Variants in UGT2B17 observed in about 807,000 individuals in gnomAD.
UGT2B17 encodes the protein UDP-glucuronosyltransferase 2B17.
UGT2B17 carries 21 observed loss-of-function variants against 48.2 expected under a neutral mutation model. The observed-to-expected ratio is 0.44, with a 90% CI of 0.31 to 0.63. The LOEUF is 0.63. UGT2B17 is among the 20% of genes least tolerant of loss of function. The pLI, the probability that UGT2B17 is intolerant of heterozygous loss-of-function variation, is 0.08. For synonymous variants in UGT2B17, 146 were observed against 238.4 expected (o/e 0.61, Z 3.57); for missense variants, 402 against 696.1 (o/e 0.58, Z 4.75).
Position 68,558,901 on chromosome 4 carries a change from AG to A in UGT2B17, c.1005+1635del, listed in dbSNP as rs555216193. On this transcript the variant is annotated intron_variant, in intron 4 of 6. Coordinates refer to ENST00000317746, the MANE Select transcript of UGT2B17 (RefSeq NM_001077.4). Reference sequence around the variant, plus strand: ...TTGGAGAGCCTAATCAGAAGCTCAAAGGAATGCCTCTTCCCTGCTTCAAGTT... The same window carrying A: ...TTGGAGAGCCTAATCAGAAGCTCAAAGAATGCCTCTTCCCTGCTTCAAGTT... Among the ~76,000 whole-genome samples, 6 of 125,708 alleles carry A rather than the reference AG, an allele frequency of 4.8e-5. 2 individuals carry two copies. Among genetic ancestry groups the A allele is most frequent in the Non-Finnish European group, 8.4e-5 (5 of 59,388 alleles). 82.5% of individuals were successfully genotyped at this position (125,708 alleles called of 152,430 possible). A position where few individuals can be genotyped will look rare whatever the true frequency, so the allele number is the denominator to read the frequency against.
chr4:68,567,838 A>G lies in UGT2B17; in HGVS notation c.647T>C (p.Ile216Thr), dbSNP rs747935682. The part of the protein sequence containing the change: ...MIFMERIKNM[I>T]YMLYFDFWFQ... ...CCAAAAGTCAAAATAAAGCATATAT[A>G]TCATATTTTTTATCCTCTCCATGAA... is the stretch of plus-strand genomic sequence containing the variant. Residue 216 changes from isoleucine to threonine, a missense_variant, in exon 2 of 7, where the codon ATA becomes ACA. Physicochemically the swap from Ile to Thr is moderately conservative, Grantham distance 89. Transcript: ENST00000317746. The G allele has an allele frequency of 6.5e-6, 9 of 1,375,166 alleles. 2 individuals are homozygous for G. Among genetic ancestry groups the G allele is most frequent in the Non-Finnish European group, 8.5e-6 (9 of 1,053,074 alleles). 85.2% of individuals were successfully genotyped at this position (1,375,166 alleles called of 1,614,324 possible).
chr4:68,568,257 A>C lies in UGT2B17; in HGVS notation c.228T>G (p.Val76=). The change falls in exon 2 of 7, where the codon GTT becomes GTG. Residue 76 remains valine, a synonymous_variant. Coordinates refer to ENST00000317746, the MANE Select transcript of UGT2B17 (RefSeq NM_001077.4). The part of the protein sequence containing the change: ...ASKSSAIKLE[V]YPTSLTKNDL... Reference sequence around the variant, plus strand: ...CATTTTTAGTTAAAGATGTAGGATAAACTTCTAATTTAATAGCAGATGATT... The same window carrying C: ...CATTTTTAGTTAAAGATGTAGGATACACTTCTAATTTAATAGCAGATGATT... The C allele has an allele frequency of 7.3e-7, 1 of 1,375,818 alleles. No homozygotes were observed. Among genetic ancestry groups the C allele is most frequent in the Non-Finnish European group, 9.5e-7 (1 of 1,054,036 alleles). The allele number at this position is 1,375,818 out of a possible 1,614,324, so 85.2% of individuals were successfully genotyped here.
Position 68,545,900 on chromosome 4 carries a change from A to G in UGT2B17, c.1313+4777T>C, listed in dbSNP as rs1730793782. ...AAGAAGTTGAATCTCTGAATAGACT[A>G]ATAACAGGCTCTGAAATTGAGGCAA... is the stretch of plus-strand genomic sequence containing the variant. On this transcript the variant is annotated intron_variant, in intron 6 of 6. Transcript: ENST00000317746. 2.4e-5 allele frequency among the ~76,000 whole-genome samples: 3 copies of G among 126,116 alleles called. 1 individual carries two copies. Among genetic ancestry groups the G allele is most frequent in the Admixed American group, 1.6e-4 (2 of 12,360 alleles). 82.7% of individuals were successfully genotyped at this position (126,116 alleles called of 152,430 possible).
chr4:68,563,310 G>A lies in UGT2B17; in HGVS notation c.873+2262C>T, dbSNP rs1351126500. 1.6e-5 allele frequency among the ~76,000 whole-genome samples: 2 copies of A among 127,076 alleles called. 1 individual carries two copies. The highest frequency in any genetic ancestry group is 3.3e-5 in the Non-Finnish European group (2 of 59,834). The allele number at this position is 127,076 out of a possible 152,430, so 83.4% of individuals were successfully genotyped here. ...TTAGATTCAAGTCTACCTTTTGCAG[G>A]TTAACAACAACAGCCAGTGCCGGGC... is the stretch of plus-strand genomic sequence containing the variant. On this transcript the variant is annotated intron_variant, in intron 3 of 6. Transcript: ENST00000317746.
Position 68,561,206 on chromosome 4 carries a change from AG to A in UGT2B17, c.874-539del, listed in dbSNP as rs201219030. ...AATGATTTTATATCTACATTTATTTAGCTTCTTTAGCTCTCTAACCCTTTAT... is the reference window on the plus strand; with the variant it reads ...AATGATTTTATATCTACATTTATTTACTTCTTTAGCTCTCTAACCCTTTAT... On this transcript the variant is annotated intron_variant, in intron 3 of 6. Transcript: ENST00000317746. 9.2e-4 allele frequency among the ~76,000 whole-genome samples: 113 copies of A among 123,104 alleles called. 31 individuals carry two copies. The East Asian group carries it at 0.05, about 55-fold the overall frequency. The allele number at this position is 123,104 out of a possible 152,430, so 80.8% of individuals were successfully genotyped here. A position where few individuals can be genotyped will look rare whatever the true frequency, so the allele number is the denominator to read the frequency against.
At chr4:68,563,580 T>C (rs1209251453) in intron 3 of UGT2B17, among the ~76,000 whole-genome samples, 1 of 126,556 alleles carries the variant, frequency 7.9e-6, no homozygotes, top group African/African-American at 2.7e-5. Flanking sequence ...CATGGTAGTA[T>C]TAGTAATAAT....
At chr4:68,544,335 C>T (rs1223110369) in intron 6 of UGT2B17, among the ~76,000 whole-genome samples, 2 of 125,692 alleles carry the variant, frequency 1.6e-5, no homozygotes, top group African/African-American at 2.7e-5. Context: ...CCAAACTAAG[C>T]TTCATAAGTG....
intron 6 of UGT2B17, among the ~76,000 whole-genome samples, chr4:68,543,971 G>A (rs1186578057): frequency 7.9e-6 from 1 of 126,614 alleles, no homozygotes; most frequent in African/African-American, 2.7e-5. Context: ...GTACCTGAAA[G>A]TGACGGGGAG....
At chr4:68,549,244 A>G (rs1166908562) in intron 6 of UGT2B17, among the ~76,000 whole-genome samples, 3 of 122,956 alleles carry the variant, frequency 2.4e-5, no homozygotes, top group African/African-American at 8.3e-5. Context: ...TGGTGTAGTC[A>G]CAGCATTTTC....
chr4:68,540,919 G>A lies in UGT2B17; in HGVS notation c.1314-3015C>T, dbSNP rs1188240826. Among the ~76,000 whole-genome samples the A allele has an allele frequency of 4.0e-5, 5 of 125,222 alleles. 2 individuals carry two copies. In the East Asian group the frequency reaches 3.8e-3, roughly 96 times the overall value. The allele number at this position is 125,222 out of a possible 152,430, so 82.2% of individuals were successfully genotyped here. ...TGTTTGGTTTTCTGTTCCTGTGTTAGTTTGCTGAGGATAATGGCTTTGAGT... is the reference window on the plus strand; with the variant it reads ...TGTTTGGTTTTCTGTTCCTGTGTTAATTTGCTGAGGATAATGGCTTTGAGT... On this transcript the variant is annotated intron_variant, in intron 6 of 6. Coordinates refer to ENST00000317746, the MANE Select transcript of UGT2B17 (RefSeq NM_001077.4).
At chr4:68,559,338 C>T (rs12505007) in intron 4 of UGT2B17, among the ~76,000 whole-genome samples, 57,954 of 124,168 alleles carry the variant, frequency 0.47, 22,787 homozygotes, top group Middle Eastern at 0.75. Flanking sequence ...AAAAGGAGCC[C>T]ATTGACAATT....
Position 68,550,864 on chromosome 4 carries a change from C to A in UGT2B17, c.1126G>T (p.Gly376Cys), listed in dbSNP as rs1730902660. 2 of 1,375,518 alleles carry A rather than the reference C, an allele frequency of 1.5e-6. 1 individual carries two copies. The highest frequency in any genetic ancestry group is 1.9e-6 in the Non-Finnish European group (2 of 1,056,608). 85.2% of individuals were successfully genotyped at this position (1,375,518 alleles called of 1,614,324 possible). A position where few individuals can be genotyped will look rare whatever the true frequency, so the allele number is the denominator to read the frequency against. The change falls in exon 6 of 7, where the codon GGT becomes TGT. Residue 376 changes from glycine to cysteine, a missense_variant. This residue lies in a region of UGT2B17 where 156 missense variants were observed against 258.6 expected (regional missense o/e 0.60). Coordinates refer to ENST00000317746, the MANE Select transcript of UGT2B17 (RefSeq NM_001077.4). Reference sequence around the variant, plus strand: ...GCCTCATAGATGCCATTGGTTCCACCATGAGTTATAAAAGCTTTGGTTTTG... The same window carrying A: ...GCCTCATAGATGCCATTGGTTCCACAATGAGTTATAAAAGCTTTGGTTTTG... ...HPKTKAFITH[G>C]GTNGIYEAIY... is the part of the protein sequence containing the mutation.
chr4:68,566,438 G>A lies in UGT2B17; in HGVS notation c.725-718C>T, dbSNP rs780755384. ...ATAATCCCCATAATCCCCATGTGTCGAGGGAGGGACCCAGTGGCAGGTGAT... is the reference window on the plus strand; with the variant it reads ...ATAATCCCCATAATCCCCATGTGTCAAGGGAGGGACCCAGTGGCAGGTGAT... On this transcript the variant is annotated intron_variant, in intron 2 of 6. Coordinates refer to ENST00000317746, the MANE Select transcript of UGT2B17 (RefSeq NM_001077.4). 2.4e-4 allele frequency among the ~76,000 whole-genome samples: 22 copies of A among 93,076 alleles called. 1 individual carries two copies. Among genetic ancestry groups the A allele is most frequent in the African/African-American group, 5.8e-4 (17 of 29,464 alleles). 61.1% of individuals were successfully genotyped at this position (93,076 alleles called of 152,430 possible). A position where few individuals can be genotyped will look rare whatever the true frequency, so the allele number is the denominator to read the frequency against.
chr4:68,572,732 G>A lies in UGT2B17; in HGVS notation c.-65+3219C>T, dbSNP rs1731314288. Among the ~76,000 whole-genome samples, 2 of 126,948 alleles carry A rather than the reference G, an allele frequency of 1.6e-5. 1 individual carries two copies. Among genetic ancestry groups the A allele is most frequent in the Non-Finnish European group, 3.3e-5 (2 of 59,788 alleles). The allele number at this position is 126,948 out of a possible 152,430, so 83.3% of individuals were successfully genotyped here. A position where few individuals can be genotyped will look rare whatever the true frequency, so the allele number is the denominator to read the frequency against. ...TACTGGAAACAGTTCTTAGTCTGAG[G>A]AAGGTCAGTTGAAGTCCTTCCTGTA... On this transcript the variant is annotated intron_variant, in intron 1 of 6. Coordinates refer to ENST00000317746, the MANE Select transcript of UGT2B17 (RefSeq NM_001077.4).
intron 4 of UGT2B17, 60 bp from the exon 5 acceptor site, chr4:68,551,971 A>G: frequency 9.1e-7 from 1 of 1,100,468 alleles, no homozygotes; most frequent in Non-Finnish European, 1.2e-6. Context: ...ATAACTTGTT[A>G]GAATTCTGAA....
chr4:68,541,841 A>G (rs978872950), intron 6 of UGT2B17, among the ~76,000 whole-genome samples: 1 of 126,122 alleles, frequency 7.9e-6, no homozygotes, highest in African/African-American at 2.7e-5. Flanking sequence ...AGGCAGGGGT[A>G]TAGTTTCTGT....
At chr4:68,568,801 C>T (rs1216792653) in intron 1 of UGT2B17, among the ~76,000 whole-genome samples, 5 of 127,494 alleles carry the variant, frequency 3.9e-5, no homozygotes, top group African/African-American at 8.1e-5. Flanking sequence ...ACAACTCAAA[C>T]GCCATTTTTT....
intron 3 of UGT2B17, among the ~76,000 whole-genome samples, chr4:68,564,013 C>T (rs192047761): frequency 8.0e-6 from 1 of 124,404 alleles, no homozygotes; most frequent in African/African-American, 2.7e-5. Context: ...TCAGAGACAA[C>T]TTAAGTGTTT....
Position 68,573,250 on chromosome 4 carries a change from C to T in UGT2B17, c.-65+2701G>A, listed in dbSNP as rs1230900775. 4.7e-5 allele frequency among the ~76,000 whole-genome samples: 6 copies of T among 127,318 alleles called. 1 individual carries two copies. Among genetic ancestry groups the T allele is most frequent in the African/African-American group, 1.6e-4 (6 of 37,138 alleles). The allele number at this position is 127,318 out of a possible 152,430, so 83.5% of individuals were successfully genotyped here. On this transcript the variant is annotated intron_variant, in intron 1 of 6. Coordinates refer to ENST00000317746, the MANE Select transcript of UGT2B17 (RefSeq NM_001077.4). ...TTGTTTTGAGAGACAGGCCATTGGC[C>T]TTGGCCAGGAACCTCCAGTCTGGGT... is the stretch of plus-strand genomic sequence containing the variant.
Sources: allele counts gnomAD v4.1 joint callset (sites outside exome capture counted in the v4.1 genomes callset), GRCh38; gene constraint gnomAD v4.1.1; regional missense constraint gnomAD v4.1.1; transcripts MANE v1.5; gene names NCBI Gene and HGNC (gene_info 2026-07-23, HGNC 2026-07-21).